ASPRV1: variants seen among roughly 807,000 people sequenced by gnomAD.
ASPRV1 encodes the protein retroviral-like aspartic protease 1.
A neutral mutation model predicts 11.0 loss-of-function variants in ASPRV1; 7 were observed. That is an observed-to-expected ratio of 0.64 (90% CI 0.36 to 1.20). The LOEUF is 1.20. ASPRV1 is among the 50% of genes most tolerant of loss of function. ASPRV1 has a pLI of 0.02. For missense variants in ASPRV1, 299 were observed against 320.0 expected (o/e 0.93, Z 0.50); for synonymous variants, 136 against 138.4 (o/e 0.98, Z 0.12).
the ASPRV1 span, among the ~76,000 whole-genome samples, chr2:69,974,277 C>T: frequency 6.7e-6 from 1 of 150,162 alleles, no homozygotes; most frequent in Non-Finnish European, 1.5e-5. Flanking sequence ...GCGGAGGTTG[C>T]AATGAGCTGA....
At chr2:69,963,871 A>C (rs1678235049), upstream of ASPRV1, among the ~76,000 whole-genome samples, 1 of 152,112 alleles carries the variant, frequency 6.6e-6, no homozygotes, top group South Asian at 2.1e-4. Context: ...AGGGAGGTGA[A>C]GCGCTGGGCT....
At chr2:70,025,596 C>T in the ASPRV1 span, among the ~76,000 whole-genome samples, 2 of 152,154 alleles carry the variant, frequency 1.3e-5, no homozygotes, top group African/African-American at 2.4e-5. Flanking sequence ...TTTTGTGGAT[C>T]GTGCCAATGA....
At chr2:70,019,704 T>A in the ASPRV1 span, among the ~76,000 whole-genome samples, 1 of 152,018 alleles carries the variant, frequency 6.6e-6, no homozygotes, top group Non-Finnish European at 1.5e-5. Context: ...ATATGGAGTA[T>A]AAAATAGTTG....
the ASPRV1 span, chr2:69,938,277 G>C: frequency 1.9e-6 from 3 of 1,614,048 alleles, no homozygotes; most frequent in African/African-American, 1.3e-5. Flanking sequence ...GCGTGTCTTG[G>C]TCTCTAAGAG....
chr2:70,022,324 T>C, the ASPRV1 span, among the ~76,000 whole-genome samples: 1 of 147,372 alleles, frequency 6.8e-6, no homozygotes, highest in Non-Finnish European at 1.5e-5. Flanking sequence ...CTAATACATG[T>C]TGTCTTAAGT....
At chr2:69,995,133 C>T in the ASPRV1 span, among the ~76,000 whole-genome samples, 2 of 151,904 alleles carry the variant, frequency 1.3e-5, no homozygotes, top group Non-Finnish European at 2.9e-5. Context: ...CACCTGTAAT[C>T]CCAGCACTTT....
chr2:69,991,492 T>C, the ASPRV1 span, among the ~76,000 whole-genome samples: 10 of 152,214 alleles, frequency 6.6e-5, no homozygotes, highest in East Asian at 1.9e-4. Flanking sequence ...AAGTCATTTA[T>C]TGTTCCTCTG....
Position 69,960,622 on chromosome 2 carries a change from A to C in ASPRV1, c.*35T>G. 6.3e-7 allele frequency: 1 copy of C among 1,575,044 alleles called. No individual in the cohort carries two copies. Among genetic ancestry groups the C allele is most frequent in the Non-Finnish European group, 8.6e-7 (1 of 1,162,912 alleles). ...CCCCCCCACAGCGGTGGGTCTTCCC[A>C]CCAATATTTAGGAGGTTAAAGAAAA... On this transcript the variant is annotated 3_prime_UTR_variant, in exon 1 of 1. Coordinates refer to ENST00000320256, the MANE Select transcript of ASPRV1 (RefSeq NM_152792.4).
At chr2:70,002,386 T>C in the ASPRV1 span, among the ~76,000 whole-genome samples, 1 of 152,240 alleles carries the variant, frequency 6.6e-6, no homozygotes, top group Non-Finnish European at 1.5e-5. Context: ...TCACACTGCC[T>C]ACTACATAGC....
At chr2:69,991,019 C>T in the ASPRV1 span, among the ~76,000 whole-genome samples, 38 of 152,286 alleles carry the variant, frequency 2.5e-4, no homozygotes, top group East Asian at 7.2e-3. Flanking sequence ...TCAAACGTGG[C>T]CTGCTGGACA....
At chr2:69,938,423 T>C in the ASPRV1 span, 5 of 809,678 alleles carry the variant, frequency 6.2e-6, no homozygotes, top group Non-Finnish European at 9.8e-6. Flanking sequence ...GTAACTGTTT[T>C]CAAGGAGGTG....
At chr2:70,020,425 G>A in the ASPRV1 span, among the ~76,000 whole-genome samples, 1 of 152,116 alleles carries the variant, frequency 6.6e-6, no homozygotes, top group Non-Finnish European at 1.5e-5. Context: ...AGGAAGTTCT[G>A]AAACATGCTA....
At chr2:69,963,789 T>C (rs1393206948), upstream of ASPRV1, among the ~76,000 whole-genome samples, 2 of 152,264 alleles carry the variant, frequency 1.3e-5, no homozygotes, top group East Asian at 3.9e-4. Flanking sequence ...TCCAGGACCC[T>C]GGAGCACAGG....
chr2:70,013,496 C>T, the ASPRV1 span, among the ~76,000 whole-genome samples: 2 of 152,228 alleles, frequency 1.3e-5, no homozygotes, highest in Non-Finnish European at 2.9e-5. Flanking sequence ...ATCCAACTAT[C>T]TTCTATTAAG....
chr2:70,002,230 G>C, the ASPRV1 span, among the ~76,000 whole-genome samples: 1 of 152,154 alleles, frequency 6.6e-6, no homozygotes, highest in East Asian at 1.9e-4. Context: ...GAGCTACCCT[G>C]TGGCTCTGAG....
chr2:70,012,475 A>C, the ASPRV1 span, among the ~76,000 whole-genome samples: 1 of 152,066 alleles, frequency 6.6e-6, no homozygotes, highest in Admixed American at 6.6e-5. Flanking sequence ...CATTTTTATA[A>C]TAATACCAAG....
chr2:70,039,501 G>C, the ASPRV1 span, among the ~76,000 whole-genome samples: 6 of 152,176 alleles, frequency 3.9e-5, no homozygotes, highest in Non-Finnish European at 8.8e-5. Flanking sequence ...CCAGCTAGCT[G>C]ATGGGTTATA....
the ASPRV1 span, among the ~76,000 whole-genome samples, chr2:70,054,887 T>G: frequency 6.6e-6 from 1 of 152,176 alleles, no homozygotes; most frequent in Non-Finnish European, 1.5e-5. Flanking sequence ...TAAAGTTAAC[T>G]AAGATATTAT....
At position 69,961,142 on chromosome 2, in the gene ASPRV1, G is replaced by A. The variant is rs760137345; in HGVS notation, c.295C>T (p.Pro99Ser). 7.4e-6 allele frequency: 12 copies of A among 1,613,812 alleles called. No homozygotes were observed. The highest frequency in any genetic ancestry group is 2.2e-5 in the East Asian group (1 of 44,868). Residue 99 changes from proline to serine, a missense_variant, in exon 1 of 1, where the codon CCC (proline) becomes TCC (serine). By Grantham distance (74) the Pro-to-Ser change is moderately conservative. Transcript: ENST00000320256. ...CTGTTGGCAAAGACGATCTCTTTGG[G>A]CAGGTGGCTGGGGGCAGCCCCAGGG... ...GVPGAAPSHL[P>S]KEIVFANSMG... is the part of the protein sequence containing the mutation.
Sources: allele counts gnomAD v4.1 joint callset (sites outside exome capture counted in the v4.1 genomes callset), GRCh38; gene constraint gnomAD v4.1.1; transcripts MANE v1.5; gene names NCBI Gene and HGNC (gene_info 2026-07-23, HGNC 2026-07-21).